Variants in CUBN observed in about 807,000 individuals in gnomAD.
The protein encoded by CUBN is 460 kDa receptor.
A neutral mutation model predicts 405.3 loss-of-function variants in CUBN; 282 were observed. That is an observed-to-expected ratio of 0.70 (90% CI 0.63 to 0.77). CUBN has a LOEUF of 0.77. Ranked by LOEUF, CUBN falls within the 30% of genes least tolerant of loss-of-function variation. The probability of loss-of-function intolerance (pLI) is 0.00; values close to 1 mark genes in which losing one functional copy is unlikely to be tolerated. For synonymous variants in CUBN, 1,684 were observed against 1,617.0 expected, an observed-to-expected ratio of 1.04 and a Z score of -0.99; for missense variants, 4,514 against 4,475.2, an observed-to-expected ratio of 1.01 and a Z score of -0.25.
chr10:16,995,694 A>G (rs2131727830), intron 28 of CUBN, among the ~76,000 whole-genome samples: 1 of 152,244 alleles, frequency 6.6e-6, no homozygotes, highest in Middle Eastern at 3.4e-3. Context: ...CTAGAAGAGG[A>G]ATTACTGGTT....
intron 31 of CUBN, among the ~76,000 whole-genome samples, chr10:16,972,523 G>A (rs976803163): frequency 4.7e-5 from 7 of 150,284 alleles, no homozygotes; most frequent in African/African-American, 9.8e-5. Context: ...CCGCAGCCTC[G>A]ACCTCCCATG....
intron 60 of CUBN, among the ~76,000 whole-genome samples, chr10:16,844,601 A>C (rs11254242): frequency 6.6e-6 from 1 of 152,218 alleles, no homozygotes. Flanking sequence ...AATGACATAC[A>C]TACCTGGCCC....
chr10:16,837,581 C>T (rs1314396878), intron 62 of CUBN, among the ~76,000 whole-genome samples: 1 of 152,086 alleles, frequency 6.6e-6, no homozygotes, highest in Non-Finnish European at 1.5e-5. Flanking sequence ...CCCTCAACTT[C>T]ATATTTCTTA....
chr10:16,933,211 G>T lies in CUBN; in HGVS notation c.6000C>A (p.Tyr2000Ter). The change falls in exon 40 of 67, where the codon TAC becomes TAA. Residue 2000 changes from tyrosine to a stop codon, truncating the protein, a stop_gained. Transcript: ENST00000377833. LOFTEE classifies it high-confidence loss of function. ...FLFSPGWPDS[Y>*]SNRVDCTWLI... ...GCCACGTACAGTCCACTCTATTACTGTAACTGTCAGGCCAGCCCGGGGAGA... is the reference window on the plus strand; with the variant it reads ...GCCACGTACAGTCCACTCTATTACTTTAACTGTCAGGCCAGCCCGGGGAGA... 6.2e-7 allele frequency: 1 copy of T among 1,614,070 alleles called. No individual in the cohort carries two copies. Among genetic ancestry groups the T allele is most frequent in the Non-Finnish European group, 8.5e-7 (1 of 1,180,000 alleles).
intron 58 of CUBN, 34 bp from the exon 59 acceptor site, chr10:16,869,887 C>T (rs377154563): frequency 3.1e-5 from 45 of 1,442,294 alleles, no homozygotes; most frequent in Non-Finnish European, 4.1e-5. Context: ...CTGATGTTTC[C>T]ATTTGGACTT....
intron 28 of CUBN, among the ~76,000 whole-genome samples, chr10:17,004,701 A>C (rs1335027450): frequency 4.4e-5 from 6 of 135,358 alleles, no homozygotes; most frequent in East Asian, 2.2e-4. Flanking sequence ...GCAGAATCTC[A>C]CTCTATTGCC....
chr10:16,948,457 T>C, intron 35 of CUBN, 21 bp downstream of exon 35: 1 of 1,612,978 alleles, frequency 6.2e-7, no homozygotes, highest in Non-Finnish European at 8.5e-7. Flanking sequence ...ACCGCTAGAG[T>C]CAGGTGCTAG....
intron 10 of CUBN, among the ~76,000 whole-genome samples, chr10:17,109,390 T>C (rs766869234): frequency 6.6e-6 from 1 of 152,220 alleles, no homozygotes; most frequent in African/African-American, 2.4e-5. Context: ...TGCCTGCTTG[T>C]TGGAATACAG....
chr10:17,119,861 A>G (rs1024902184), intron 6 of CUBN, among the ~76,000 whole-genome samples: 5 of 152,202 alleles, frequency 3.3e-5, no homozygotes, highest in Admixed American at 3.3e-4. Context: ...TCTAAAAAAG[A>G]ATTTCCACCA....
intron 54 of CUBN, among the ~76,000 whole-genome samples, chr10:16,897,342 C>T (rs1448705113): frequency 6.6e-6 from 1 of 152,142 alleles, no homozygotes; most frequent in African/African-American, 2.4e-5. Flanking sequence ...TTGTGGGTTA[C>T]AGTTCCAGTT....
intron 28 of CUBN, among the ~76,000 whole-genome samples, chr10:17,008,467 C>T (rs538126798): frequency 4.0e-4 from 46 of 113,842 alleles, no homozygotes; most frequent in African/African-American, 8.5e-4. Context: ...TGTGTGTGCG[C>T]GCTTAGCCAC....
rs566428134 is a variant in CUBN at position 16,835,089 on chromosome 10, C to G, written c.10287G>C (p.Gln3429His). ...KDCTVTLTAP[Q>H]NHTISLFFHS... ...GAAAAAAGAGGGAAATGGTGTGGTT[C>G]TGGGGGGCTGTGAGAGTAACGGTGC... is the stretch of plus-strand genomic sequence containing the variant. The change falls in exon 64 of 67, where the codon CAG becomes CAC. Residue 3429 changes from glutamine (Q) to histidine (H), a missense_variant. Physicochemically the swap from Gln to His is conservative, Grantham distance 24 (BLOSUM62 0). Coordinates refer to ENST00000377833, the MANE Select transcript of CUBN (RefSeq NM_001081.4). 1 of 1,614,140 alleles carries G rather than the reference C, an allele frequency of 6.2e-7. No individual in the cohort carries two copies. The highest frequency in any genetic ancestry group is 1.3e-5 in the African/African-American group (1 of 75,030).
intron 22 of CUBN, among the ~76,000 whole-genome samples, chr10:17,065,129 T>TC (rs11368099): frequency 0.012 from 1,511 of 120,966 alleles, 20 homozygotes; most frequent in East Asian, 0.035. Flanking sequence ...TCTCTCTCTC[T>TC]CCCCCCCCCC....
intron 36 of CUBN, 106 bp downstream of exon 36, chr10:16,947,129 T>G: frequency 8.2e-7 from 1 of 1,220,698 alleles, no homozygotes; most frequent in East Asian, 2.4e-5. Context: ...GGAAAAATAC[T>G]TCCTAAATTT....
intron 27 of CUBN, among the ~76,000 whole-genome samples, chr10:17,031,238 T>C (rs1834780609): frequency 6.6e-6 from 1 of 152,218 alleles, no homozygotes; most frequent in East Asian, 1.9e-4. Flanking sequence ...ATTAATTATA[T>C]CTCAACCTAA....
chr10:16,865,972 C>T (rs1374459808), intron 59 of CUBN, among the ~76,000 whole-genome samples: 1 of 152,112 alleles, frequency 6.6e-6, no homozygotes, highest in Admixed American at 6.5e-5. Flanking sequence ...TCCAGAAACA[C>T]AGGCACTGCC....
Position 16,933,240 on chromosome 10 carries a change from G to C in CUBN, c.5971C>G (p.Leu1991Val). The C allele has an allele frequency of 6.2e-7, 1 of 1,614,014 alleles. No homozygotes were observed. The highest frequency in any genetic ancestry group is 1.1e-5 in the South Asian group (1 of 91,080). ...FLRTGDAPVFLFSPGWPDSYS... is the reference protein window; with the variant it reads ...FLRTGDAPVFVFSPGWPDSYS... ...CTGTCAGGCCAGCCCGGGGAGAAGA[G>C]AAACACGGGTGCATCTCCCGTCCTC... is the stretch of plus-strand genomic sequence containing the variant. The change falls in exon 40 of 67, where the codon CTC (leucine) becomes GTC (valine). Residue 1991 changes from leucine (L) to valine (V), a missense_variant. Leu to Val is a conservative substitution (Grantham distance 32, BLOSUM62 1). Transcript: ENST00000377833.
chr10:16,968,205 T>C (rs1843455758), intron 31 of CUBN, among the ~76,000 whole-genome samples: 1 of 152,172 alleles, frequency 6.6e-6, no homozygotes, highest in Non-Finnish European at 1.5e-5. Flanking sequence ...GGTGGTGTAT[T>C]ACAAAAATAC....
Position 17,129,169 on chromosome 10 carries a change from C to A in CUBN, c.204G>T (p.Leu68=), listed in dbSNP as rs1837264135. 6.2e-7 allele frequency: 1 copy of A among 1,613,266 alleles called. No individual in the cohort carries two copies. Among genetic ancestry groups the A allele is most frequent in the Admixed American group, 1.7e-5 (1 of 59,990 alleles). The change falls in exon 2 of 67, where the codon CTG becomes CTT. Residue 68 remains leucine, a synonymous_variant. Coordinates refer to ENST00000377833, the MANE Select transcript of CUBN (RefSeq NM_001081.4). ...CTTCATCATTTAATTTAATTTTTCC[C>A]AGGGATCCGGTTCTAAACTCAATGT... The part of the protein sequence containing the change: ...AQNIEFRTGS[L]GKIKLNDEDL...
Sources: allele counts gnomAD v4.1 joint callset (sites outside exome capture counted in the v4.1 genomes callset), GRCh38; gene constraint gnomAD v4.1.1; transcripts MANE v1.5; gene names NCBI Gene and HGNC (gene_info 2026-07-23, HGNC 2026-07-21).